The following ARHGEF11 variants were observed in gnomAD, a reference collection of about 807,000 sequenced individuals.
ARHGEF11 encodes the protein Rho guanine exchange factor (GEF) 11.
In ARHGEF11, 55 loss-of-function variants were observed where a neutral mutation model predicts 193.7. The ratio of observed to expected loss-of-function variants is 0.28; its 90% CI spans 0.23 to 0.36. ARHGEF11 has a LOEUF of 0.36. Among genes scored for constraint, ARHGEF11 ranks in the 10% least tolerant of loss-of-function variants. ARHGEF11 has a pLI of 1.00. For missense variants in ARHGEF11, 1,723 were observed against 2,005.6 expected, an observed-to-expected ratio of 0.86 and a Z score of 2.69; for synonymous variants, 693 against 768.0, an observed-to-expected ratio of 0.90 and a Z score of 1.62.
At chr1:156,957,335 C>T (rs574364036) in intron 18 of ARHGEF11, among the ~76,000 whole-genome samples, 2 of 151,890 alleles carry the variant, frequency 1.3e-5, no homozygotes, top group East Asian at 1.9e-4. Flanking sequence ...AATATATAGG[C>T]TGCAAAAAAA....
intron 1 of ARHGEF11, among the ~76,000 whole-genome samples, chr1:157,021,382 T>C (rs938528977): frequency 6.6e-6 from 1 of 151,950 alleles, no homozygotes; most frequent in Non-Finnish European, 1.5e-5. Flanking sequence ...TGCTCCTGAA[T>C]CAAAAAAGAG....
chr1:156,979,542 T>C (rs1229878399), intron 4 of ARHGEF11, among the ~76,000 whole-genome samples: 5 of 152,076 alleles, frequency 3.3e-5, no homozygotes, highest in African/African-American at 1.2e-4. Flanking sequence ...TTTTTTGTAT[T>C]TTTAGGAGAG....
At chr1:156,942,056 T>C in intron 33 of ARHGEF11, 67 bp from the exon 34 acceptor site, 1 of 1,609,732 alleles carries the variant, frequency 6.2e-7, no homozygotes, top group East Asian at 2.2e-5. Context: ...CACCCCGTAC[T>C]GAGCCCACTG....
At chr1:157,038,463 G>T (rs1457016369) in intron 1 of ARHGEF11, among the ~76,000 whole-genome samples, 1 of 152,194 alleles carries the variant, frequency 6.6e-6, no homozygotes, top group Non-Finnish European at 1.5e-5. Context: ...AATCACAATA[G>T]AAAGACAATA....
chr1:156,982,125 G>A (rs538760866), intron 3 of ARHGEF11, among the ~76,000 whole-genome samples: 23 of 151,856 alleles, frequency 1.5e-4, no homozygotes, highest in African/African-American at 2.9e-4. Flanking sequence ...AGAAACTAAC[G>A]TTAAAGACAA....
intron 29 of ARHGEF11, chr1:156,945,657 C>A (rs1657977812): frequency 4.2e-6 from 1 of 236,834 alleles, no homozygotes; most frequent in Middle Eastern, 1.4e-3. Context: ...GGTCCCCTGC[C>A]CCTCTAGTGT....
intron 3 of ARHGEF11, among the ~76,000 whole-genome samples, chr1:156,982,234 G>A (rs546829336): frequency 5.3e-5 from 8 of 151,978 alleles, no homozygotes; most frequent in African/African-American, 1.9e-4. Context: ...TAAGGAACTT[G>A]AGCAGAAATT....
chr1:157,019,444 T>A (rs1235105311), intron 1 of ARHGEF11, among the ~76,000 whole-genome samples: 1 of 152,250 alleles, frequency 6.6e-6, no homozygotes, highest in Admixed American at 6.5e-5. Flanking sequence ...AGTGGGAATG[T>A]GAAATTATAA....
At position 156,969,330 on chromosome 1, in the gene ARHGEF11, C is replaced by T; in HGVS notation, c.777G>A (p.Gly259=). Reference sequence around the variant, plus strand: ...CTGTCCCAGAGTCCAAGCCACTGTCCCCCTCCTGGGAATCCAGAGAGAGCC... The same window carrying T: ...CTGTCCCAGAGTCCAAGCCACTGTCTCCCTCCTGGGAATCCAGAGAGAGCC... ...EGRLSLDSQE[G]DSGLDSGTER... The change falls in exon 10 of 41, where the codon GGG becomes GGA. Residue 259 remains glycine, a synonymous_variant. Coordinates refer to ENST00000368194, the MANE Select transcript of ARHGEF11 (RefSeq NM_198236.3). 3.1e-6 allele frequency: 5 copies of T among 1,609,230 alleles called. No individual in the cohort carries two copies. Among genetic ancestry groups the T allele is most frequent in the African/African-American group, 1.3e-5 (1 of 74,958 alleles).
chr1:156,991,388 C>T (rs191190082), intron 1 of ARHGEF11, among the ~76,000 whole-genome samples: 138 of 152,310 alleles, frequency 9.1e-4, no homozygotes, highest in African/African-American at 3.2e-3. Context: ...GGCACAATTA[C>T]AGCTCACTGC....
chr1:156,940,651 A>G (rs1467090861), intron 35 of ARHGEF11, among the ~76,000 whole-genome samples: 3 of 152,246 alleles, frequency 2.0e-5, no homozygotes, highest in Non-Finnish European at 4.4e-5. Flanking sequence ...GGAGGGACAT[A>G]CAAAAATAAG....
At chr1:157,031,766 G>A (rs1671339169) in intron 1 of ARHGEF11, among the ~76,000 whole-genome samples, 1 of 152,168 alleles carries the variant, frequency 6.6e-6, no homozygotes, top group East Asian at 1.9e-4. Context: ...CCCACCCCTT[G>A]AGCAGAGAAG....
chr1:157,037,490 A>T (rs1480886930), intron 1 of ARHGEF11, among the ~76,000 whole-genome samples: 1 of 152,092 alleles, frequency 6.6e-6, no homozygotes, highest in Non-Finnish European at 1.5e-5. Flanking sequence ...TAATCTTAAC[A>T]CTTGGAGACC....
In ARHGEF11 at chr1:156,946,105, C is replaced by CA; in HGVS notation, c.2751dup (p.Glu918Ter). ...GGGTACTTGGTGAGCCGCTGCATCTCAGAGATGATGAGGTCTCTCAGCTGC... is the reference window on the plus strand; with the variant it reads ...GGGTACTTGGTGAGCCGCTGCATCTCAAGAGATGATGAGGTCTCTCAGCTGC... On this transcript the variant is annotated frameshift_variant, in exon 29 of 41. Transcript: ENST00000368194. LOFTEE classifies it high-confidence loss of function. 6.2e-7 allele frequency: 1 copy of CA among 1,613,616 alleles called. No individual in the cohort carries two copies. Among genetic ancestry groups the CA allele is most frequent in the Non-Finnish European group, 8.5e-7 (1 of 1,179,968 alleles).
In ARHGEF11 at chr1:157,007,899, GTTTT is replaced by G. The variant is rs11290114; in HGVS notation, c.33-21730_33-21727del. On this transcript the variant is annotated intron_variant, in intron 1 of 40. Coordinates refer to ENST00000368194, the MANE Select transcript of ARHGEF11 (RefSeq NM_198236.3). Reference sequence around the variant, plus strand: ...TAATGTAAGCTCCAAGAAGGCAAAGGTTTTTTTTTTTTTGTTTTTTTTTTTTTTG... The same window carrying G: ...TAATGTAAGCTCCAAGAAGGCAAAGGTTTTTTTTTGTTTTTTTTTTTTTTG... Among the ~76,000 whole-genome samples the G allele has an allele frequency of 1.6e-4, 20 of 128,974 alleles. 2 individuals are homozygous for G. In the East Asian group the frequency reaches 1.9e-3, roughly 12 times the overall value. The allele number at this position is 128,974 out of a possible 152,430, so 84.6% of individuals were successfully genotyped here.
At chr1:156,978,663 C>G (rs1236011874) in intron 5 of ARHGEF11, among the ~76,000 whole-genome samples, 1 of 152,220 alleles carries the variant, frequency 6.6e-6, no homozygotes, top group Non-Finnish European at 1.5e-5. Context: ...TTGTTTCCCC[C>G]TTTATCTCAC....
At chr1:156,957,974 A>G (rs1660216294) in intron 17 of ARHGEF11, among the ~76,000 whole-genome samples, 159 bp from the exon 18 acceptor site, 1 of 152,230 alleles carries the variant, frequency 6.6e-6, no homozygotes, top group South Asian at 2.1e-4. Flanking sequence ...GGTACATAGC[A>G]GGAACTCCAT....
At chr1:156,965,833 C>T (rs1018205108) in intron 11 of ARHGEF11, among the ~76,000 whole-genome samples, 2 of 152,198 alleles carry the variant, frequency 1.3e-5, no homozygotes, top group African/African-American at 2.4e-5. Flanking sequence ...CTCTCTTCTA[C>T]AGATCACACT....
Position 156,960,417 on chromosome 1 carries a change from C to T in ARHGEF11, c.1282+1G>A, listed in dbSNP as rs1382650154. 2 of 1,614,142 alleles carry T rather than the reference C, an allele frequency of 1.2e-6. No homozygotes were observed. The highest frequency in any genetic ancestry group is 8.5e-7 in the Non-Finnish European group (1 of 1,180,016). ...ACTTACCGACCAATGAGCCAACTTACCAATTTCAGCCTGTAGCATCTCAGG... is the reference window on the plus strand; with the variant it reads ...ACTTACCGACCAATGAGCCAACTTATCAATTTCAGCCTGTAGCATCTCAGG... On this transcript the variant is annotated splice_donor_variant, in intron 15 of 40. Coordinates refer to ENST00000368194, the MANE Select transcript of ARHGEF11 (RefSeq NM_198236.3). LOFTEE classifies it high-confidence loss of function.
Sources: allele counts gnomAD v4.1 joint callset (sites outside exome capture counted in the v4.1 genomes callset), GRCh38; gene constraint gnomAD v4.1.1; transcripts MANE v1.5; gene names NCBI Gene and HGNC (gene_info 2026-07-23, HGNC 2026-07-21).